EDA: variants seen among roughly 807,000 people sequenced by gnomAD.
The protein encoded by EDA is ectodysplasin A.
EDA carries 2 observed loss-of-function variants against 23.6 expected under a neutral mutation model. The observed-to-expected ratio is 0.08, with a 90% CI of 0.03 to 0.27. EDA has a LOEUF of 0.27. Among genes scored for constraint, EDA ranks in the 10% least tolerant of loss-of-function variants. The pLI, the probability that EDA is intolerant of heterozygous loss-of-function variation, is 1.00. For missense variants in EDA, 229 were observed against 324.2 expected (o/e 0.71, Z 2.26); for synonymous variants, 131 against 132.0 (o/e 0.99, Z 0.05).
chrX:69,836,661 G>C (rs1173763119), intron 1 of EDA, among the ~76,000 whole-genome samples: 1 of 112,427 alleles, frequency 8.9e-6, no homozygotes, highest in African/African-American at 3.2e-5. Context: ...GGCTAGGAAA[G>C]GGAAATCCCC....
At chrX:69,640,742 G>A (rs1388415704) in intron 1 of EDA, among the ~76,000 whole-genome samples, 1 of 111,249 alleles carries the variant, frequency 9.0e-6, no homozygotes, top group African/African-American at 3.3e-5. Flanking sequence ...AGCTCTTTAG[G>A]TCTGAAAGGA....
intron 2 of EDA, among the ~76,000 whole-genome samples, chrX:70,002,066 A>G (rs7055423): frequency 8.9e-6 from 1 of 111,921 alleles, no homozygotes; most frequent in South Asian, 3.8e-4. Flanking sequence ...TGTGAGAACC[A>G]CTAAGAAGAT....
At chrX:69,885,778 G>GC (rs1463944395) in intron 1 of EDA, among the ~76,000 whole-genome samples, 1 of 111,702 alleles carries the variant, frequency 9.0e-6, no homozygotes, top group East Asian at 2.8e-4. Context: ...CCCGGAAACA[G>GC]CCCCATCTAC....
intron 1 of EDA, among the ~76,000 whole-genome samples, chrX:69,956,663 C>T (rs1274287293): frequency 9.0e-6 from 1 of 111,450 alleles, no homozygotes; most frequent in Non-Finnish European, 1.9e-5. Flanking sequence ...GTTTTCTGTT[C>T]AATTTTCTGT....
At position 69,688,545 on chromosome X, in the gene EDA, C is replaced by T. The variant is rs372494546; in HGVS notation, c.396+71841C>T. Reference sequence around the variant, plus strand: ...CCTCCCAAGTAGCTGAGATTACAGGCATGCACCACCATGCCCAGCTAATTT... The same window carrying T: ...CCTCCCAAGTAGCTGAGATTACAGGTATGCACCACCATGCCCAGCTAATTT... On this transcript the variant is annotated intron_variant, in intron 1 of 7. Transcript: ENST00000374552. Among the ~76,000 whole-genome samples the T allele has an allele frequency of 3.6e-5, 4 of 111,097 alleles. No individual in the cohort carries two copies. In the South Asian group the frequency reaches 1.6e-3, roughly 43 times the overall value.
At chrX:69,629,017 C>T (rs1932481088) in intron 1 of EDA, among the ~76,000 whole-genome samples, 2 of 111,368 alleles carry the variant, frequency 1.8e-5, no homozygotes, top group Non-Finnish European at 3.8e-5. Context: ...ATTTTTCTTC[C>T]AGAGTTATTT....
chrX:70,022,437 C>T (rs1569403528), intron 2 of EDA, among the ~76,000 whole-genome samples: 1 of 109,681 alleles, frequency 9.1e-6, no homozygotes, highest in Non-Finnish European at 1.9e-5. Context: ...CCCAGGTTCA[C>T]GCCATTCTCC....
intron 1 of EDA, among the ~76,000 whole-genome samples, chrX:69,675,587 A>T (rs755541075): frequency 9.2e-6 from 1 of 109,203 alleles, no homozygotes; most frequent in African/African-American, 3.3e-5. Flanking sequence ...TTTTTTTCAA[A>T]TTTTTTTTCT....
At chrX:69,802,686 C>T (rs2015720251) in intron 1 of EDA, among the ~76,000 whole-genome samples, 1 of 111,088 alleles carries the variant, frequency 9.0e-6, no homozygotes. Flanking sequence ...ATTGGAACAG[C>T]TTTTATGACA....
chrX:69,733,691 A>G (rs1186592624), intron 1 of EDA, among the ~76,000 whole-genome samples: 3 of 110,166 alleles, frequency 2.7e-5, no homozygotes, highest in Admixed American at 9.7e-5. Flanking sequence ...ATTACCTTGG[A>G]CAGTATGGCC....
intron 1 of EDA, among the ~76,000 whole-genome samples, chrX:69,942,011 G>A (rs1049438886): frequency 3.6e-5 from 4 of 111,230 alleles, no homozygotes; most frequent in African/African-American, 1.3e-4. Context: ...ATTTTAAACT[G>A]ATGGCAACTT....
At chrX:69,660,785 A>G (rs963430813) in intron 1 of EDA, among the ~76,000 whole-genome samples, 1 of 111,672 alleles carries the variant, frequency 9.0e-6, no homozygotes, top group African/African-American at 3.3e-5. Context: ...TATTGTGAAT[A>G]GTGCCGCAAT....
At chrX:69,684,108 C>T (rs1445111928) in intron 1 of EDA, among the ~76,000 whole-genome samples, 1 of 112,029 alleles carries the variant, frequency 8.9e-6, no homozygotes, top group Non-Finnish European at 1.9e-5. Flanking sequence ...CACTTAAGCT[C>T]ATGCATGTTA....
intron 2 of EDA, among the ~76,000 whole-genome samples, chrX:70,020,949 C>T (rs2020024999): frequency 8.9e-6 from 1 of 112,090 alleles, no homozygotes; most frequent in East Asian, 2.8e-4. Context: ...TTTTGCTCCT[C>T]TTTTGTATGT....
At chrX:69,935,465 G>A (rs771103121) in intron 1 of EDA, among the ~76,000 whole-genome samples, 11 of 111,464 alleles carry the variant, frequency 9.9e-5, no homozygotes, top group South Asian at 3.8e-4. Context: ...GTTATTGCCC[G>A]TCTTTTTTTA....
chrX:70,000,195 T>A (rs934182186), intron 2 of EDA, among the ~76,000 whole-genome samples: 1 of 112,342 alleles, frequency 8.9e-6, no homozygotes, highest in African/African-American at 3.2e-5. Context: ...TTGTAACTGC[T>A]GATGTTCAAC....
At chrX:69,826,915 C>G in intron 1 of EDA, among the ~76,000 whole-genome samples, 1 of 112,318 alleles carries the variant, frequency 8.9e-6, no homozygotes, top group South Asian at 3.7e-4. Flanking sequence ...AATCTCTCAG[C>G]ATTTGCTTTT....
chrX:69,754,329 A>G (rs1428022071), intron 1 of EDA, among the ~76,000 whole-genome samples: 1 of 111,501 alleles, frequency 9.0e-6, no homozygotes, highest in Admixed American at 9.5e-5. Context: ...TATGAAGCTT[A>G]GTTTGGCTGG....
At chrX:69,734,780 T>C (rs1052679550) in intron 1 of EDA, among the ~76,000 whole-genome samples, 13 of 111,998 alleles carry the variant, frequency 1.2e-4, no homozygotes, top group African/African-American at 4.2e-4. Context: ...TTTCATTGTG[T>C]TAGAGAACAT....
Sources: allele counts gnomAD v4.1 joint callset (sites outside exome capture counted in the v4.1 genomes callset), GRCh38; gene constraint gnomAD v4.1.1; transcripts MANE v1.5; gene names NCBI Gene and HGNC (gene_info 2026-07-23, HGNC 2026-07-21).